Variants in SPATS2L observed in about 807,000 individuals in gnomAD.
SPATS2L encodes the protein SPATS2-like protein.
In SPATS2L, 30 loss-of-function variants were observed where a neutral mutation model predicts 59.6. That is an observed-to-expected ratio of 0.50 (90% CI 0.38 to 0.68). The LOEUF is 0.68. Ranked by LOEUF, SPATS2L falls within the 30% of genes least tolerant of loss-of-function variation. SPATS2L has a pLI of 0.00. For missense variants in SPATS2L, 615 were observed against 700.0 expected, an observed-to-expected ratio of 0.88 and a Z score of 1.37; for synonymous variants, 252 against 263.5, an observed-to-expected ratio of 0.96 and a Z score of 0.42.
At chr2:200,383,776 G>A (rs2081903852) in intron 2 of SPATS2L, 4 of 479,584 alleles carry the variant, frequency 8.3e-6, no homozygotes, top group Non-Finnish European at 1.1e-5. Flanking sequence ...TACAAATCAT[G>A]GGAAATTTTG....
At chr2:200,468,256 A>G (rs1410718555) in intron 10 of SPATS2L, among the ~76,000 whole-genome samples, 6 of 151,560 alleles carry the variant, frequency 4.0e-5, no homozygotes. Flanking sequence ...CCAGAAGGGG[A>G]AATAGTTACC....
At chr2:200,474,373 C>T (rs1399616898) in intron 12 of SPATS2L, among the ~76,000 whole-genome samples, 1 of 151,264 alleles carries the variant, frequency 6.6e-6, no homozygotes, top group African/African-American at 2.4e-5. Flanking sequence ...TTGGCACAAT[C>T]TCGGCCCACT....
At chr2:200,334,774 T>A (rs966178429) in intron 2 of SPATS2L, among the ~76,000 whole-genome samples, 1 of 152,212 alleles carries the variant, frequency 6.6e-6, no homozygotes, top group African/African-American at 2.4e-5. Context: ...TAGGGAATCC[T>A]TTCCCCATTT....
chr2:200,454,837 A>G (rs533258163), intron 8 of SPATS2L, among the ~76,000 whole-genome samples: 4 of 152,330 alleles, frequency 2.6e-5, no homozygotes, highest in Non-Finnish European at 5.9e-5. Flanking sequence ...CCATTTAGAA[A>G]ACTTTTAGTG....
intron 2 of SPATS2L, among the ~76,000 whole-genome samples, chr2:200,360,392 G>A (rs898720913): frequency 6.6e-5 from 10 of 152,144 alleles, no homozygotes; most frequent in African/African-American, 2.2e-4. Flanking sequence ...CCAATACTTC[G>A]CCCCTGCAGT....
intron 2 of SPATS2L, among the ~76,000 whole-genome samples, chr2:200,388,356 A>G (rs2082058464): frequency 6.6e-6 from 1 of 152,038 alleles, no homozygotes; most frequent in African/African-American, 2.4e-5. Flanking sequence ...GGATCGCTTG[A>G]GCCCAGGAGT....
intron 6 of SPATS2L, among the ~76,000 whole-genome samples, chr2:200,427,228 C>A (rs894295089): frequency 7.2e-5 from 11 of 152,012 alleles, no homozygotes; most frequent in African/African-American, 2.4e-4. Context: ...TTAACTGTTT[C>A]TATTAAAATG....
At chr2:200,463,422 TAG>T (rs1371811459) in intron 9 of SPATS2L, 1 of 152,210 alleles carries the variant, frequency 6.6e-6, no homozygotes, top group Non-Finnish European at 1.5e-5. Flanking sequence ...TCAGTATCTG[TAG>T]ACTGTGGGAA....
At chr2:200,341,541 G>C (rs2080323633) in intron 2 of SPATS2L, among the ~76,000 whole-genome samples, 2 of 151,166 alleles carry the variant, frequency 1.3e-5, no homozygotes, top group Admixed American at 1.3e-4. Flanking sequence ...GTCCTTTGCT[G>C]CTTGGATATA....
intron 2 of SPATS2L, among the ~76,000 whole-genome samples, chr2:200,339,135 G>A (rs974011496): frequency 5.3e-5 from 8 of 152,132 alleles, no homozygotes; most frequent in South Asian, 2.1e-4. Flanking sequence ...CTGTTGACTC[G>A]CAACAACACA....
chr2:200,427,608 C>T (rs1332959337), intron 6 of SPATS2L, among the ~76,000 whole-genome samples: 1 of 151,074 alleles, frequency 6.6e-6, no homozygotes, highest in Non-Finnish European at 1.5e-5. Flanking sequence ...GATGTTATTC[C>T]AGTCAGAAAG....
upstream of SPATS2L, chr2:200,306,455 G>A (rs982721025): frequency 2.0e-6 from 2 of 1,002,206 alleles, no homozygotes; most frequent in African/African-American, 1.7e-5. Flanking sequence ...TAGAAAGTGG[G>A]GTGGGAAAGG....
At chr2:200,343,360 G>A (rs555499824) in intron 2 of SPATS2L, among the ~76,000 whole-genome samples, 35 of 152,298 alleles carry the variant, frequency 2.3e-4, no homozygotes, top group African/African-American at 7.9e-4. Context: ...CGATTAAGGT[G>A]TCTGTAGTTA....
intron 2 of SPATS2L, among the ~76,000 whole-genome samples, chr2:200,353,469 CAAAAGAAG>C (rs2080808144): frequency 6.6e-6 from 1 of 152,090 alleles, no homozygotes; most frequent in African/African-American, 2.4e-5. Context: ...TCTCATTTTT[CAAAAGAAG>C]TCACTACCCC....
intron 11 of SPATS2L, among the ~76,000 whole-genome samples, chr2:200,471,343 A>G (rs2106235040): frequency 6.6e-6 from 1 of 152,080 alleles, no homozygotes; most frequent in East Asian, 1.9e-4. Context: ...CCCACCTCTA[A>G]AAAAGGGAAC....
At chr2:200,369,931 C>G (rs1385483858) in intron 2 of SPATS2L, among the ~76,000 whole-genome samples, 1 of 152,186 alleles carries the variant, frequency 6.6e-6, no homozygotes, top group Admixed American at 6.5e-5. Flanking sequence ...CCTTCTTATT[C>G]TTGCCTTTTA....
chr2:200,466,865 T>C (rs1423805117), intron 9 of SPATS2L, among the ~76,000 whole-genome samples: 2 of 152,248 alleles, frequency 1.3e-5, no homozygotes, highest in African/African-American at 4.8e-5. Context: ...CTGCTGCTGT[T>C]AAAGTTGAAT....
At chr2:200,429,552 A>G (rs1009890923) in intron 6 of SPATS2L, among the ~76,000 whole-genome samples, 2 of 151,320 alleles carry the variant, frequency 1.3e-5, no homozygotes, top group South Asian at 2.1e-4. Flanking sequence ...GATGGATTGG[A>G]GCTGCTCAAA....
In SPATS2L at chr2:200,469,906, T is replaced by G; in HGVS notation, c.958-8T>G. 2 of 1,603,140 alleles carry G rather than the reference T, an allele frequency of 1.2e-6. No homozygotes were observed. The highest frequency in any genetic ancestry group is 1.7e-6 in the Non-Finnish European group (2 of 1,174,858). ...ATGGGGTTCCTGCTTTTCATCTCTTTCCTCCAGCACTTTGTCAGCGAGCGT... is the reference window on the plus strand; with the variant it reads ...ATGGGGTTCCTGCTTTTCATCTCTTGCCTCCAGCACTTTGTCAGCGAGCGT... On this transcript the variant is annotated splice_region_variant and splice_polypyrimidine_tract_variant and intron_variant, in intron 10 of 12. Transcript: ENST00000409140.
Sources: allele counts gnomAD v4.1 joint callset (sites outside exome capture counted in the v4.1 genomes callset), GRCh38; gene constraint gnomAD v4.1.1; transcripts MANE v1.5; gene names NCBI Gene and HGNC (gene_info 2026-07-23, HGNC 2026-07-21).